Variants in SKIC8 observed in about 807,000 individuals in gnomAD.
The protein encoded by SKIC8 is superkiller complex protein 8.
the SKIC8 span, chr15:78,285,043 G>A: frequency 1.8e-5 from 10 of 546,300 alleles, no homozygotes; most frequent in East Asian, 2.9e-4. Context: ...GTGGGGATAT[G>A]CCTCGTGAGT....
At chr15:78,284,871 C>T in the SKIC8 span, 2 of 182,526 alleles carry the variant, frequency 1.1e-5, no homozygotes, top group Non-Finnish European at 2.3e-5. Context: ...AAATGACAAG[C>T]GATGATTGTG....
the SKIC8 span, chr15:78,295,761 G>T: frequency 6.7e-7 from 1 of 1,494,560 alleles, no homozygotes; most frequent in Non-Finnish European, 9.0e-7. Context: ...GTGAGGGGGT[G>T]TCATCAGGAT....
the SKIC8 span, chr15:78,285,288 A>C: frequency 1.3e-5 from 21 of 1,614,154 alleles, no homozygotes; most frequent in Non-Finnish European, 1.7e-5. Context: ...AGAAGGTGTG[A>C]ACACAAGTCC....
chr15:78,285,171 G>A, the SKIC8 span: 1 of 1,287,128 alleles, frequency 7.8e-7, no homozygotes. Context: ...GGTATCCACA[G>A]CTCAAGCAAC....
chr15:78,296,704 TG>T, the SKIC8 span, among the ~76,000 whole-genome samples: 1 of 152,188 alleles, frequency 6.6e-6, no homozygotes, highest in Non-Finnish European at 1.5e-5. Context: ...GGTCTCCCTA[TG>T]TTGCCTAGGC....
the SKIC8 span, chr15:78,288,265 G>C: frequency 1.2e-6 from 2 of 1,605,658 alleles, no homozygotes; most frequent in African/African-American, 1.3e-5. Flanking sequence ...CAGTAGTAAG[G>C]GAGATGCCTT....
chr15:78,289,780 C>A, the SKIC8 span: 1 of 1,548,410 alleles, frequency 6.5e-7, no homozygotes, highest in Admixed American at 1.7e-5. Context: ...CCCTACCAAA[C>A]ACAAGCAAAC....
chr15:78,283,842 A>G, the SKIC8 span: 2 of 181,890 alleles, frequency 1.1e-5, no homozygotes, highest in Non-Finnish European at 2.3e-5. Context: ...GACGGAAGCC[A>G]TAAGAGACCA....
At chr15:78,295,668 G>T in the SKIC8 span, 4 of 1,585,812 alleles carry the variant, frequency 2.5e-6, no homozygotes, top group Non-Finnish European at 3.4e-6. Context: ...TTCAACACAG[G>T]TCTTACCTGG....
the SKIC8 span, among the ~76,000 whole-genome samples, chr15:78,287,596 C>T: frequency 0.058 from 8,781 of 152,136 alleles, 292 homozygotes; most frequent in Middle Eastern, 0.13. Flanking sequence ...GAGCAATGAG[C>T]CAGAGGCATG....
At chr15:78,290,166 GT>G in the SKIC8 span, 3 of 1,500,908 alleles carry the variant, frequency 2.0e-6, no homozygotes, top group East Asian at 2.4e-5. Context: ...AAAAACTAAA[GT>G]TTTACCAAAG....
chr15:78,289,726 A>G, the SKIC8 span: 2 of 1,609,728 alleles, frequency 1.2e-6, no homozygotes, highest in Non-Finnish European at 8.5e-7. Context: ...TTCAGAGAAC[A>G]TATGGAGAAA....
At chr15:78,289,445 CA>C in the SKIC8 span, among the ~76,000 whole-genome samples, 1 of 151,644 alleles carries the variant, frequency 6.6e-6, no homozygotes, top group East Asian at 1.9e-4. Flanking sequence ...AACAAAAAAA[CA>C]AAAAAAACTA....
At chr15:78,299,166 T>C in the SKIC8 span, among the ~76,000 whole-genome samples, 2 of 152,194 alleles carry the variant, frequency 1.3e-5, no homozygotes, top group Non-Finnish European at 2.9e-5. Context: ...CCTCTGTCTG[T>C]ACCCGTCCAG....
the SKIC8 span, chr15:78,284,030 G>T: frequency 6.6e-6 from 1 of 152,486 alleles, no homozygotes; most frequent in Non-Finnish European, 1.5e-5. Context: ...TAGACAACAT[G>T]ATATTGTGGA....
At chr15:78,292,516 A>T in the SKIC8 span, 1 of 1,490,724 alleles carries the variant, frequency 6.7e-7, no homozygotes, top group Non-Finnish European at 9.2e-7. Context: ...ACCCCTCTCA[A>T]ATCCAAAAAA....
the SKIC8 span, chr15:78,285,356 A>C: frequency 6.2e-7 from 1 of 1,613,092 alleles, no homozygotes; most frequent in Non-Finnish European, 8.5e-7. Flanking sequence ...TAAAAAGTGA[A>C]CATTAGTATC....
the SKIC8 span, chr15:78,293,091 C>T: frequency 3.1e-6 from 4 of 1,290,784 alleles, no homozygotes; most frequent in Non-Finnish European, 4.4e-6. Flanking sequence ...ATTTCCCGGA[C>T]TGCAACTGGA....
At chr15:78,295,434 A>G in the SKIC8 span, 1 of 523,926 alleles carries the variant, frequency 1.9e-6, no homozygotes, top group Non-Finnish European at 3.3e-6. Context: ...ACATCTTTTA[A>G]GCTTCTTCTA....
Sources: allele counts gnomAD v4.1 joint callset (sites outside exome capture counted in the v4.1 genomes callset), GRCh38; gene constraint gnomAD v4.1.1; transcripts MANE v1.5; gene names NCBI Gene and HGNC (gene_info 2026-07-23, HGNC 2026-07-21).